CTNND2: variants seen among roughly 807,000 people sequenced by gnomAD.
The protein encoded by CTNND2 is catenin delta-2.
CTNND2 carries 22 observed loss-of-function variants against 144.4 expected under a neutral mutation model. That is an observed-to-expected ratio of 0.15 (90% CI 0.11 to 0.22). The LOEUF is 0.22. CTNND2 is among the 10% of genes least tolerant of loss of function. The pLI is 1.00. For missense variants in CTNND2, 1,353 were observed against 1,618.8 expected (o/e 0.84, Z 2.82); for synonymous variants, 751 against 695.6 (o/e 1.08, Z -1.25).
At chr5:11,386,673 AT>A (rs1221159674) in intron 6 of CTNND2, among the ~76,000 whole-genome samples, 1 of 152,222 alleles carries the variant, frequency 6.6e-6, no homozygotes, top group African/African-American at 2.4e-5. Flanking sequence ...TCACACACAC[AT>A]GCAATCCATA....
intron 19 of CTNND2, among the ~76,000 whole-genome samples, chr5:10,991,014 T>C (rs1278447161): frequency 6.6e-6 from 1 of 152,234 alleles, no homozygotes; most frequent in Non-Finnish European, 1.5e-5. Flanking sequence ...TTTTTAAGCC[T>C]GCTGGAATTA....
intron 1 of CTNND2, among the ~76,000 whole-genome samples, chr5:11,772,848 T>C (rs2126829051): frequency 6.6e-6 from 1 of 152,332 alleles, no homozygotes; most frequent in East Asian, 1.9e-4. Flanking sequence ...ATACATCTTC[T>C]ACCTCTTCAA....
At chr5:11,868,588 T>C (rs1795885000) in intron 1 of CTNND2, among the ~76,000 whole-genome samples, 1 of 152,166 alleles carries the variant, frequency 6.6e-6, no homozygotes, top group Non-Finnish European at 1.5e-5. Context: ...CCCTCCAAAA[T>C]GCACGTTGAA....
At chr5:11,865,800 C>T (rs924554929) in intron 1 of CTNND2, among the ~76,000 whole-genome samples, 11 of 146,934 alleles carry the variant, frequency 7.5e-5, no homozygotes, top group Non-Finnish European at 7.4e-5. Context: ...GAACTATAGA[C>T]GTAATGTGGA....
At chr5:11,661,892 C>T (rs74542923) in intron 2 of CTNND2, among the ~76,000 whole-genome samples, 3,348 of 151,764 alleles carry the variant, frequency 0.022, 42 homozygotes, top group East Asian at 0.056. Flanking sequence ...TGAGCATTAC[C>T]GTTCAAACTC....
intron 2 of CTNND2, among the ~76,000 whole-genome samples, chr5:11,633,257 C>A (rs1432030690): frequency 6.6e-6 from 1 of 152,156 alleles, no homozygotes; most frequent in African/African-American, 2.4e-5. Flanking sequence ...AGAAAAATTA[C>A]TCTTCCTTAA....
At chr5:11,142,799 A>G (rs1054348449) in intron 12 of CTNND2, among the ~76,000 whole-genome samples, 6 of 151,866 alleles carry the variant, frequency 4.0e-5, no homozygotes, top group African/African-American at 1.5e-4. Context: ...TTTTTAGTAG[A>G]GACGGGGTTT....
intron 3 of CTNND2, among the ~76,000 whole-genome samples, chr5:11,514,751 T>C (rs1220921890): frequency 1.3e-5 from 2 of 152,194 alleles, no homozygotes; most frequent in African/African-American, 2.4e-5. Flanking sequence ...AACTTTTCCC[T>C]AAGATGCAAA....
At chr5:11,381,998 A>C (rs1428671165) in intron 7 of CTNND2, among the ~76,000 whole-genome samples, 1 of 150,926 alleles carries the variant, frequency 6.6e-6, no homozygotes, top group African/African-American at 2.4e-5. Context: ...AAAACAAAAC[A>C]AAACAAAACA....
intron 3 of CTNND2, among the ~76,000 whole-genome samples, chr5:11,556,604 A>G (rs1776256625): frequency 6.6e-6 from 1 of 152,116 alleles, no homozygotes; most frequent in South Asian, 2.1e-4. Flanking sequence ...GCATATGTGG[A>G]AAAGATTTTT....
intron 2 of CTNND2, among the ~76,000 whole-genome samples, chr5:11,621,770 T>C (rs921829921): frequency 6.6e-6 from 1 of 152,168 alleles, no homozygotes; most frequent in African/African-American, 2.4e-5. Context: ...GAGTAAATTA[T>C]CTTTGTTATA....
At chr5:11,524,723 C>T (rs1188549573) in intron 3 of CTNND2, among the ~76,000 whole-genome samples, 1 of 152,140 alleles carries the variant, frequency 6.6e-6, no homozygotes, top group Non-Finnish European at 1.5e-5. Context: ...AAATGATTGT[C>T]AAAACAAAAT....
chr5:11,320,664 T>C (rs1026837326), intron 9 of CTNND2, among the ~76,000 whole-genome samples: 1 of 152,128 alleles, frequency 6.6e-6, no homozygotes, highest in Non-Finnish European at 1.5e-5. Flanking sequence ...AGCTTGTGCG[T>C]AGAAACTCCC....
chr5:11,854,892 A>G (rs1353532519), intron 1 of CTNND2, among the ~76,000 whole-genome samples: 1 of 152,224 alleles, frequency 6.6e-6, no homozygotes, highest in African/African-American at 2.4e-5. Flanking sequence ...TGATGCCTGT[A>G]AAACTATAAA....
intron 9 of CTNND2, among the ~76,000 whole-genome samples, chr5:11,267,257 G>A (rs938827505): frequency 1.3e-5 from 2 of 152,170 alleles, no homozygotes; most frequent in African/African-American, 4.8e-5. Context: ...TTCTCCCCAC[G>A]TGGAGCTAAC....
intron 21 of CTNND2, among the ~76,000 whole-genome samples, chr5:10,976,521 T>G (rs2149479721): frequency 6.6e-6 from 1 of 152,342 alleles, no homozygotes; most frequent in East Asian, 1.9e-4. Context: ...TTGCCTTCTT[T>G]GCCTTAACGC....
chr5:11,066,631 G>A (rs1029345473), intron 16 of CTNND2, among the ~76,000 whole-genome samples: 6 of 152,174 alleles, frequency 3.9e-5, no homozygotes, highest in Non-Finnish European at 7.3e-5. Context: ...CCTGAGGGCT[G>A]TGTCATGGGC....
At chr5:11,662,189 ATATATGTG>A (rs1353658102) in intron 2 of CTNND2, among the ~76,000 whole-genome samples, 5 of 133,480 alleles carry the variant, frequency 3.7e-5, no homozygotes, top group African/African-American at 1.3e-4. Context: ...ATATATGTGT[ATATATGTG>A]TATATATGTA....
intron 1 of CTNND2, among the ~76,000 whole-genome samples, chr5:11,751,146 T>A (rs530062252): frequency 1.3e-5 from 2 of 152,036 alleles, no homozygotes; most frequent in South Asian, 2.1e-4. Context: ...ATTTTGTTGA[T>A]GTGCTCACAA....
Sources: allele counts gnomAD v4.1 joint callset (sites outside exome capture counted in the v4.1 genomes callset), GRCh38; gene constraint gnomAD v4.1.1; transcripts MANE v1.5; gene names NCBI Gene and HGNC (gene_info 2026-07-23, HGNC 2026-07-21).